SNTG1: variants seen among roughly 807,000 people sequenced by gnomAD.
The protein encoded by SNTG1 is syntrophin gamma 1.
Under a neutral mutation model 74.7 loss-of-function variants are expected in SNTG1, and 39 were observed. The ratio of observed to expected loss-of-function variants is 0.52; its 90% CI spans 0.40 to 0.68. The LOEUF is 0.68. Among genes scored for constraint, SNTG1 ranks in the 30% least tolerant of loss-of-function variants. The pLI is 0.00. For missense variants in SNTG1, 685 were observed against 609.5 expected, an observed-to-expected ratio of 1.12 and a Z score of -1.30; for synonymous variants, 254 against 217.1, an observed-to-expected ratio of 1.17 and a Z score of -1.49.
chr8:50,190,267 C>CA (rs2083520771), intron 2 of SNTG1, among the ~76,000 whole-genome samples: 1 of 152,110 alleles, frequency 6.6e-6, no homozygotes, highest in South Asian at 2.1e-4. Flanking sequence ...TATGATATTT[C>CA]ATGCAAAATA....
At chr8:50,498,492 C>T (rs1554548141) in intron 8 of SNTG1, among the ~76,000 whole-genome samples, 1 of 151,646 alleles carries the variant, frequency 6.6e-6, no homozygotes, top group Non-Finnish European at 1.5e-5. Flanking sequence ...AAACATATTC[C>T]AAGTATATAT....
At chr8:50,331,714 A>T (rs1331095007) in intron 2 of SNTG1, among the ~76,000 whole-genome samples, 1 of 152,176 alleles carries the variant, frequency 6.6e-6, no homozygotes, top group Non-Finnish European at 1.5e-5. Context: ...TTGCTGGTAT[A>T]GAGAAGGATA....
At chr8:50,310,071 C>G (rs1467765951) in intron 2 of SNTG1, among the ~76,000 whole-genome samples, 1 of 152,152 alleles carries the variant, frequency 6.6e-6, no homozygotes, top group Admixed American at 6.5e-5. Flanking sequence ...CTTGCATATG[C>G]ATCTATCTAG....
At chr8:50,284,528 T>C (rs1405241221) in intron 2 of SNTG1, among the ~76,000 whole-genome samples, 1 of 152,140 alleles carries the variant, frequency 6.6e-6, no homozygotes, top group Admixed American at 6.5e-5. Flanking sequence ...GTGCTTTGGT[T>C]TTGCTGTTGT....
chr8:50,167,181 G>A lies in SNTG1; in HGVS notation c.-102-5380G>A, dbSNP rs1397863607. Among the ~76,000 whole-genome samples the A allele has an allele frequency of 5.5e-5, 8 of 146,156 alleles. No homozygotes were observed. The East Asian group carries it at 1.4e-3, about 26-fold the overall frequency. The stretch of plus-strand genomic sequence containing the variant: ...AGATATACCTAATGCTAGATGACAC[G>A]TTAGTGGGTGCAGCACACCAGCATG... On this transcript the variant is annotated intron_variant, in intron 1 of 18. Coordinates refer to ENST00000642720, the MANE Select transcript of SNTG1 (RefSeq NM_018967.5).
At chr8:50,676,580 C>A (rs1034313880) in intron 15 of SNTG1, among the ~76,000 whole-genome samples, 4 of 151,842 alleles carry the variant, frequency 2.6e-5, no homozygotes, top group Non-Finnish European at 4.4e-5. Flanking sequence ...AAACATGCTC[C>A]TTTAGCTCAA....
intron 11 of SNTG1, among the ~76,000 whole-genome samples, chr8:50,552,081 G>A (rs964331228): frequency 1.3e-5 from 2 of 152,144 alleles, no homozygotes; most frequent in Non-Finnish European, 2.9e-5. Flanking sequence ...ATTTTACATA[G>A]CATTTTGAAT....
intron 1 of SNTG1, among the ~76,000 whole-genome samples, chr8:50,021,941 AAAAAAAATAAAAAT>A (rs1485927195): frequency 2.0e-5 from 2 of 102,456 alleles, no homozygotes; most frequent in Non-Finnish European, 4.1e-5. Context: ...ACCCTCTCAA[AAAAAAAATAAAAAT>A]AAAAATAAAA....
Position 49,916,097 on chromosome 8 carries a change from G to T in SNTG1, c.-103+3866G>T, listed in dbSNP as rs575393842. 1.4e-4 allele frequency among the ~76,000 whole-genome samples: 21 copies of T among 152,088 alleles called. 1 individual carries two copies. In the South Asian group the frequency reaches 4.3e-3, roughly 32 times the overall value. ...ATGTTTGGTGTTACAGTTATTTCCAGCATTGTTTTGTGGTTAAATTATATA... is the reference window on the plus strand; with the variant it reads ...ATGTTTGGTGTTACAGTTATTTCCATCATTGTTTTGTGGTTAAATTATATA... On this transcript the variant is annotated intron_variant, in intron 1 of 18. Transcript: ENST00000642720.
intron 1 of SNTG1, among the ~76,000 whole-genome samples, chr8:50,090,233 A>T (rs1480793471): frequency 6.6e-6 from 1 of 152,196 alleles, no homozygotes; most frequent in Non-Finnish European, 1.5e-5. Flanking sequence ...CAAGTGACAA[A>T]ATCCAGTTGT....
rs768149099 is a variant in SNTG1, at chr8:50,123,258, C to G, written c.-102-49303C>G. ...TTGTACCGCTCAGTGCTCCAACACA[C>G]AATTACATCGGTGCATAAAAGCATA... On this transcript the variant is annotated intron_variant, in intron 1 of 18. Coordinates refer to ENST00000642720, the MANE Select transcript of SNTG1 (RefSeq NM_018967.5). 5.6e-4 allele frequency among the ~76,000 whole-genome samples: 80 copies of G among 142,994 alleles called. 15 individuals carry two copies. Among genetic ancestry groups the G allele is most frequent in the Non-Finnish European group, 1.1e-3 (69 of 64,052 alleles). The allele number at this position is 142,994 out of a possible 152,430, so 93.8% of individuals were successfully genotyped here.
chr8:50,052,255 T>A (rs1819639603), intron 1 of SNTG1, among the ~76,000 whole-genome samples: 1 of 152,062 alleles, frequency 6.6e-6, no homozygotes, highest in Non-Finnish European at 1.5e-5. Flanking sequence ...ACTTGGGAGT[T>A]TAGAAATACA....
chr8:50,130,302 G>T (rs1019100189), intron 1 of SNTG1, among the ~76,000 whole-genome samples: 1 of 152,210 alleles, frequency 6.6e-6, no homozygotes, highest in Non-Finnish European at 1.5e-5. Context: ...GTTTCAGAAA[G>T]AGAATAGTGA....
intron 13 of SNTG1, among the ~76,000 whole-genome samples, chr8:50,615,407 A>G (rs2094879268): frequency 6.6e-6 from 1 of 152,236 alleles, no homozygotes; most frequent in Non-Finnish European, 1.5e-5. Flanking sequence ...TAATTAAAGC[A>G]TCTTAGGATT....
intron 4 of SNTG1, among the ~76,000 whole-genome samples, chr8:50,422,590 A>G (rs972243071): frequency 1.7e-4 from 22 of 126,428 alleles, no homozygotes; most frequent in Middle Eastern, 4.0e-3. Context: ...AAAAGCTCAT[A>G]GGTTAGGAGT....
At chr8:50,395,940 C>T (rs1395825573) in intron 3 of SNTG1, among the ~76,000 whole-genome samples, 1 of 152,124 alleles carries the variant, frequency 6.6e-6, no homozygotes, top group Non-Finnish European at 1.5e-5. Flanking sequence ...GAATGAGATA[C>T]TTATGGGACA....
chr8:50,624,171 C>G (rs1248688428), intron 13 of SNTG1, among the ~76,000 whole-genome samples: 1 of 151,890 alleles, frequency 6.6e-6, no homozygotes, highest in Non-Finnish European at 1.5e-5. Context: ...TCATATATCA[C>G]AAAGCTCCTA....
chr8:50,308,639 T>G (rs1451255766), intron 2 of SNTG1, among the ~76,000 whole-genome samples: 1 of 152,192 alleles, frequency 6.6e-6, no homozygotes, highest in Non-Finnish European at 1.5e-5. Context: ...TATAGTCAGC[T>G]GGGTAGAGCA....
At chr8:50,469,205 G>A (rs748113431) in intron 8 of SNTG1, among the ~76,000 whole-genome samples, 5 of 152,244 alleles carry the variant, frequency 3.3e-5, no homozygotes, top group Non-Finnish European at 7.4e-5. Flanking sequence ...ATTGTTTGCC[G>A]GATTAAGTGT....
Sources: gnomAD v4.1 joint callset for allele counts (sites outside exome capture counted in the v4.1 genomes callset) on GRCh38, gnomAD v4.1.1 for gene constraint, MANE v1.5 for transcripts, NCBI Gene and HGNC (gene_info 2026-07-23, HGNC 2026-07-21) for gene names.